The following MTMR14 variants were observed in gnomAD, a reference collection of about 807,000 sequenced individuals.
MTMR14 encodes phosphatidylinositol-3,5-bisphosphate 3-phosphatase MTMR14.
A neutral mutation model predicts 86.3 loss-of-function variants in MTMR14; 48 were observed. The observed-to-expected ratio is 0.56, with a 90% CI of 0.44 to 0.71. The LOEUF is 0.71. Ranked by LOEUF, MTMR14 falls within the 30% of genes least tolerant of loss-of-function variation. The probability of loss-of-function intolerance (pLI) is 0.00; values close to 1 mark genes in which losing one functional copy is unlikely to be tolerated. For synonymous variants in MTMR14, 366 were observed against 326.1 expected, an observed-to-expected ratio of 1.12 and a Z score of -1.32; for missense variants, 780 against 834.6, an observed-to-expected ratio of 0.93 and a Z score of 0.81.
intron 17 of MTMR14, among the ~76,000 whole-genome samples, chr3:9,692,324 A>C (rs1037779763): frequency 1.3e-5 from 2 of 152,236 alleles, no homozygotes; most frequent in African/African-American, 4.8e-5. Context: ...AGTAGGTATG[A>C]ATCAGGTTGG....
intron 13 of MTMR14, 126 bp from the exon 14 acceptor site, chr3:9,687,695 C>A: frequency 1.3e-6 from 1 of 756,904 alleles, no homozygotes; most frequent in Non-Finnish European, 2.3e-6. Context: ...GACCAGAACA[C>A]CCACACAGTC....
At position 9,683,279 on chromosome 3, in the gene MTMR14, G is replaced by A. The variant is rs1321975159; in HGVS notation, c.964+35G>A. ...TCTCCTCCAGAGCCCTCGAGCCACT[G>A]CACCCTTGGGGAGTTCCCAGTTCAT... is the stretch of plus-strand genomic sequence containing the variant. On this transcript the variant is annotated intron_variant, in intron 10 of 18. Transcript: ENST00000296003. 8 of 1,594,680 alleles carry A rather than the reference G, an allele frequency of 5.0e-6. No individual in the cohort carries two copies. The East Asian group carries it at 1.8e-4, about 36-fold the overall frequency.
At chr3:9,669,875 A>ACT (rs2125120677) in intron 5 of MTMR14, among the ~76,000 whole-genome samples, 1 of 152,322 alleles carries the variant, frequency 6.6e-6, no homozygotes, top group Non-Finnish European at 1.5e-5. Context: ...TACAGCTGGT[A>ACT]CTGAGGCACA....
At chr3:9,663,264 A>G (rs943419989) in intron 3 of MTMR14, among the ~76,000 whole-genome samples, 13 of 152,142 alleles carry the variant, frequency 8.5e-5, no homozygotes, top group African/African-American at 3.1e-4. Context: ...GGGCAGGGCA[A>G]TGGGGAGAGT....
At position 9,649,618 on chromosome 3, in the gene MTMR14, C is replaced by T. The variant is rs2047160667; in HGVS notation, c.35C>T (p.Ser12Leu). ...AGARAAAAAA[S>L]AGSSASSGNQ... is the part of the protein sequence containing the mutation. ...GCTCGGGCCGCCGCCGCCGCTGCCTCGGCGGGGTCCTCGGCCTCTTCAGGC... is the reference window on the plus strand; with the variant it reads ...GCTCGGGCCGCCGCCGCCGCTGCCTTGGCGGGGTCCTCGGCCTCTTCAGGC... The change falls in exon 1 of 19, where the codon TCG (serine) becomes TTG (leucine). Residue 12 changes from serine to leucine, a missense_variant. By Grantham distance (145) the Ser-to-Leu change is moderately radical. Coordinates refer to ENST00000296003, the MANE Select transcript of MTMR14 (RefSeq NM_001077525.3). 6.4e-7 allele frequency: 1 copy of T among 1,552,550 alleles called. No individual in the cohort carries two copies. Among genetic ancestry groups the T allele is most frequent in the Non-Finnish European group, 8.7e-7 (1 of 1,149,194 alleles).
intron 4 of MTMR14, among the ~76,000 whole-genome samples, 160 bp downstream of exon 4, chr3:9,668,954 A>G (rs1442614653): frequency 1.3e-5 from 2 of 152,156 alleles, no homozygotes; most frequent in Middle Eastern, 3.4e-3. Context: ...CCTGGCTAAC[A>G]CGGTGAAACC....
At chr3:9,689,454 G>A (rs2076069766) in intron 16 of MTMR14, among the ~76,000 whole-genome samples, 1 of 152,196 alleles carries the variant, frequency 6.6e-6, no homozygotes, top group Non-Finnish European at 1.5e-5. Flanking sequence ...TGGGGAATTG[G>A]GAACTTGAGG....
At position 9,701,697 on chromosome 3, in the gene MTMR14, C is replaced by T. The variant is rs2076462926; in HGVS notation, c.1770-93C>T. 1.5e-6 allele frequency: 2 copies of T among 1,378,154 alleles called. No homozygotes were observed. The highest frequency in any genetic ancestry group is 2.0e-6 in the Non-Finnish European group (2 of 1,011,040). 85.4% of individuals were successfully genotyped at this position (1,378,154 alleles called of 1,614,324 possible). ...ACTGGCCTTGTACAGTCAGAAGAAG[C>T]ACAAGGACAGGTGGTATGGAGGGAG... On this transcript the variant is annotated intron_variant, in intron 18 of 18. Coordinates refer to ENST00000296003, the MANE Select transcript of MTMR14 (RefSeq NM_001077525.3). The surrounding 1 kb of genome is among the most constrained non-coding windows in gnomAD (Gnocchi z 4.2).
At chr3:9,698,009 C>T (rs9856002) in intron 18 of MTMR14, 143 bp downstream of exon 18, 25,528 of 1,219,732 alleles carry the variant, frequency 0.021, 378 homozygotes, top group African/African-American at 0.06. Context: ...CTGCTGGACC[C>T]GAGGTATGAA....
chr3:9,656,326 G>C (rs2047605543), intron 2 of MTMR14, among the ~76,000 whole-genome samples: 1 of 152,166 alleles, frequency 6.6e-6, no homozygotes, highest in Non-Finnish European at 1.5e-5. Flanking sequence ...CTAAGAACTT[G>C]GGATCGCCAA....
intron 9 of MTMR14, among the ~76,000 whole-genome samples, chr3:9,678,730 G>C (rs191651119): frequency 6.6e-6 from 1 of 152,176 alleles, no homozygotes; most frequent in Non-Finnish European, 1.5e-5. Context: ...TCCCTGATCT[G>C]CCTCTTCCTT....
At position 9,684,631 on chromosome 3, in the gene MTMR14, C is replaced by T. The variant is rs1559600923; in HGVS notation, c.1011C>T (p.Thr337=). Reference sequence around the variant, plus strand: ...ACTGTATCTCAGGCTGGGATCGGACCCCCCTCTTCATCTCCCTCCTGCGCC... The same window carrying T: ...ACTGTATCTCAGGCTGGGATCGGACTCCCCTCTTCATCTCCCTCCTGCGCC... ...LVHCISGWDR[T]PLFISLLRLS... is the part of the protein sequence containing the mutation. The change falls in exon 11 of 19, where the codon ACC becomes ACT. Residue 337 remains threonine, a synonymous_variant. Coordinates refer to ENST00000296003, the MANE Select transcript of MTMR14 (RefSeq NM_001077525.3). 3.7e-6 allele frequency: 6 copies of T among 1,614,132 alleles called. No individual in the cohort carries two copies. The South Asian group carries it at 5.5e-5, about 15-fold the overall frequency.
At chr3:9,659,704 A>T (rs1450141857) in intron 2 of MTMR14, 1 of 455,468 alleles carries the variant, frequency 2.2e-6, no homozygotes, top group East Asian at 6.9e-5. Context: ...GAGCCTCCCC[A>T]AGTGTGGGAT....
intron 1 of MTMR14, among the ~76,000 whole-genome samples, chr3:9,652,057 C>G (rs1020364685): frequency 2.0e-5 from 3 of 152,106 alleles, no homozygotes; most frequent in Admixed American, 6.6e-5. Flanking sequence ...ATCTCAATCT[C>G]TTGAACTCGT....
intron 2 of MTMR14, chr3:9,659,690 G>T (rs745726846): frequency 1.3e-5 from 6 of 454,932 alleles, no homozygotes; most frequent in South Asian, 9.3e-5. Flanking sequence ...GTGATCTGCC[G>T]CCTGAGCCTC....
At chr3:9,675,373 A>G (rs771255038) in intron 7 of MTMR14, 8 of 252,848 alleles carry the variant, frequency 3.2e-5, no homozygotes, top group African/African-American at 8.9e-5. Context: ...TAAAATTACT[A>G]TTACCCAAAC....
intron 3 of MTMR14, among the ~76,000 whole-genome samples, chr3:9,665,752 A>G (rs1435235043): frequency 6.9e-6 from 1 of 145,102 alleles, no homozygotes; most frequent in East Asian, 2.0e-4. Context: ...TTTTTTTGAG[A>G]CAGAGTCTCG....
rs1336012635 is a variant in MTMR14, at chr3:9,678,059, G to T, written c.897+1G>T. 6.8e-6 allele frequency: 11 copies of T among 1,613,886 alleles called. No homozygotes were observed. The highest frequency in any genetic ancestry group is 9.3e-6 in the Non-Finnish European group (11 of 1,180,010). Reference sequence around the variant, plus strand: ...GAACATTGACTGGAGCCAGTATCAGGTGAGGGGCCTGACTCAAGCATTGAG... The same window carrying T: ...GAACATTGACTGGAGCCAGTATCAGTTGAGGGGCCTGACTCAAGCATTGAG... On this transcript the variant is annotated splice_donor_variant, in intron 9 of 18. Coordinates refer to ENST00000296003, the MANE Select transcript of MTMR14 (RefSeq NM_001077525.3). LOFTEE classifies it high-confidence loss of function.
chr3:9,670,512 CTT>C (rs1246664117), intron 5 of MTMR14, among the ~76,000 whole-genome samples: 1 of 152,226 alleles, frequency 6.6e-6, no homozygotes, highest in Non-Finnish European at 1.5e-5. Flanking sequence ...TTATCTTTCT[CTT>C]TGCTTCATCG....
Sources: allele counts gnomAD v4.1 joint callset (sites outside exome capture counted in the v4.1 genomes callset), GRCh38; gene constraint gnomAD v4.1.1; non-coding constraint Gnocchi (gnomAD v3.1); transcripts MANE v1.5; gene names NCBI Gene and HGNC (gene_info 2026-07-23, HGNC 2026-07-21).